Variants in PLCZ1 observed in about 807,000 individuals in gnomAD.
The protein encoded by PLCZ1 is phospholipase C zeta 1, also known as 1-phosphatidylinositol 4,5-bisphosphate phosphodiesterase zeta-1.
In PLCZ1, 64 loss-of-function variants were observed where a neutral mutation model predicts 76.8. The ratio of observed to expected loss-of-function variants is 0.83; its 90% confidence interval spans 0.68 to 1.03. PLCZ1 has a LOEUF of 1.03. PLCZ1 is among the 50% of genes least tolerant of loss of function. The pLI is 0.00. For missense variants in PLCZ1, 751 were observed against 713.7 expected (o/e 1.05, Z -0.60); for synonymous variants, 248 against 230.8 (o/e 1.07, Z -0.68).
intron 10 of PLCZ1, among the ~76,000 whole-genome samples, chr12:18,696,915 G>A (rs554515280): frequency 4.9e-4 from 75 of 151,964 alleles, no homozygotes; most frequent in Non-Finnish European, 9.4e-4. Context: ...TAATCTCTAC[G>A]TATTTGTAGT....
At chr12:18,669,430 T>C in the PLCZ1 span, among the ~76,000 whole-genome samples, 2 of 152,190 alleles carry the variant, frequency 1.3e-5, no homozygotes, top group Admixed American at 6.5e-5. Flanking sequence ...ATCTAATTCA[T>C]ATTATCAGTG....
chr12:18,687,991 G>T (rs1303065000), intron 13 of PLCZ1, 98 bp downstream of exon 13: 2 of 1,499,116 alleles, frequency 1.3e-6, no homozygotes, highest in Non-Finnish European at 1.8e-6. Flanking sequence ...CTTGTCTTAT[G>T]AATAATAAAT....
At chr12:18,716,853 A>T (rs943401686) in intron 5 of PLCZ1, among the ~76,000 whole-genome samples, 1 of 152,210 alleles carries the variant, frequency 6.6e-6, no homozygotes, top group African/African-American at 2.4e-5. Context: ...ATAAAAATAA[A>T]TTTAAGAATC....
chr12:18,673,673 A>G, the PLCZ1 span, among the ~76,000 whole-genome samples: 1 of 152,202 alleles, frequency 6.6e-6, no homozygotes, highest in African/African-American at 2.4e-5. Context: ...AGGCACAGCT[A>G]CTGGGCCCTC....
the PLCZ1 span, among the ~76,000 whole-genome samples, chr12:18,673,915 G>A: frequency 1.3e-5 from 2 of 152,184 alleles, no homozygotes; most frequent in African/African-American, 2.4e-5. Context: ...TAGTGTGCAA[G>A]CCAAGAAAAC....
chr12:18,714,149 ATTGAT>A (rs1486488751), intron 5 of PLCZ1, among the ~76,000 whole-genome samples: 1 of 152,204 alleles, frequency 6.6e-6, no homozygotes, highest in Non-Finnish European at 1.5e-5. Flanking sequence ...ACTCAAATTT[ATTGAT>A]TTATGTATAG....
rs1188252487 is a variant in PLCZ1 at position 18,733,926 on chromosome 12, T to A, written c.135+2295A>T. Among the ~76,000 whole-genome samples, 6 of 152,318 alleles carry A rather than the reference T, an allele frequency of 3.9e-5. No individual in the cohort carries two copies. The East Asian group carries it at 1.2e-3, about 29-fold the overall frequency. On this transcript the variant is annotated intron_variant, in intron 3 of 14. Coordinates refer to ENST00000266505, the MANE Select transcript of PLCZ1 (RefSeq NM_033123.4). ...TGCCTCCACCTTTATATTTCTTTTT[T>A]AAGATTGGTTTTGGTTATTCAGGGT... is the stretch of plus-strand genomic sequence containing the variant.
At chr12:18,700,528 A>AAAAAAAAAC (rs1955748842) in intron 9 of PLCZ1, among the ~76,000 whole-genome samples, 1 of 150,148 alleles carries the variant, frequency 6.7e-6, no homozygotes, top group East Asian at 1.9e-4. Context: ...AAAAAAAAAA[A>AAAAAAAAAC]AAAAAAAATA....
chr12:18,710,632 G>A (rs111915139), intron 6 of PLCZ1, among the ~76,000 whole-genome samples: 11 of 152,072 alleles, frequency 7.2e-5, no homozygotes, highest in African/African-American at 2.7e-4. Flanking sequence ...CAGAGAAGAG[G>A]GCAGTGGGAT....
At chr12:18,673,729 C>G in the PLCZ1 span, among the ~76,000 whole-genome samples, 19 of 152,298 alleles carry the variant, frequency 1.2e-4, no homozygotes, top group African/African-American at 4.3e-4. Flanking sequence ...GCAGTCTCAT[C>G]TGACTTCTCA....
chr12:18,725,297 A>G (rs974573604), intron 3 of PLCZ1, among the ~76,000 whole-genome samples: 3 of 152,176 alleles, frequency 2.0e-5, no homozygotes, highest in African/African-American at 7.2e-5. Context: ...CGGGGAGAAG[A>G]AAAGCAATAA....
At chr12:18,703,137 G>T (rs1181679092) in intron 7 of PLCZ1, among the ~76,000 whole-genome samples, 1 of 152,156 alleles carries the variant, frequency 6.6e-6, no homozygotes, top group Non-Finnish European at 1.5e-5. Context: ...ATTGGACTAT[G>T]ATTTGGGTTT....
chr12:18,705,783 T>C (rs1260556980), intron 6 of PLCZ1, among the ~76,000 whole-genome samples: 1 of 151,922 alleles, frequency 6.6e-6, no homozygotes, highest in Admixed American at 6.6e-5. Flanking sequence ...GGAGAATCAC[T>C]TGAACCCGGG....
the PLCZ1 span, among the ~76,000 whole-genome samples, chr12:18,646,507 A>G: frequency 6.6e-6 from 1 of 152,136 alleles, no homozygotes; most frequent in South Asian, 2.1e-4. Flanking sequence ...CTGGAACTGA[A>G]TTTCATTGAT....
intron 3 of PLCZ1, among the ~76,000 whole-genome samples, chr12:18,735,151 TG>T (rs1482267259): frequency 6.6e-6 from 1 of 152,196 alleles, no homozygotes; most frequent in African/African-American, 2.4e-5. Context: ...AAATTTGATT[TG>T]CTATTATTTT....
At chr12:18,689,890 T>C (rs900509557) in intron 12 of PLCZ1, among the ~76,000 whole-genome samples, 2 of 152,088 alleles carry the variant, frequency 1.3e-5, no homozygotes, top group African/African-American at 2.4e-5. Context: ...GAGCAAGTCA[T>C]AAAGTAATCA....
intron 12 of PLCZ1, among the ~76,000 whole-genome samples, chr12:18,688,891 T>G (rs1953612112): frequency 6.6e-6 from 1 of 152,012 alleles, no homozygotes; most frequent in Non-Finnish European, 1.5e-5. Context: ...AATTGAGGCA[T>G]AATTCCAATT....
At chr12:18,685,865 CACACAT>C (rs749809559) in intron 13 of PLCZ1, among the ~76,000 whole-genome samples, 61 of 145,920 alleles carry the variant, frequency 4.2e-4, no homozygotes, top group East Asian at 1.1e-3. Flanking sequence ...CACACACACA[CACACAT>C]ACAATAATAT....
chr12:18,725,178 G>C (rs1958679341), intron 3 of PLCZ1, among the ~76,000 whole-genome samples: 1 of 152,100 alleles, frequency 6.6e-6, no homozygotes, highest in African/African-American at 2.4e-5. Flanking sequence ...TATCACTGAA[G>C]AGGGGAAGAT....
Sources: allele counts gnomAD v4.1 joint callset (sites outside exome capture counted in the v4.1 genomes callset), GRCh38; gene constraint gnomAD v4.1.1; transcripts MANE v1.5; gene names NCBI Gene and HGNC (gene_info 2026-07-23, HGNC 2026-07-21).